The following EYS variants were observed in gnomAD, a reference collection of about 807,000 sequenced individuals.
The protein encoded by EYS is protein eyes shut homolog.
A neutral mutation model predicts 282.1 loss-of-function variants in EYS; 250 were observed. That is an observed-to-expected ratio of 0.89 (90% CI 0.80 to 0.98). The LOEUF (loss-of-function observed/expected upper bound fraction) is 0.98, where lower values mean the gene tolerates loss of function less well. Ranked by LOEUF, EYS falls within the 50% of genes least tolerant of loss-of-function variation. The pLI is 0.00. For synonymous variants in EYS, 1,355 were observed against 1,282.9 expected (o/e 1.06, Z -1.20); for missense variants, 4,016 against 3,709.0 (o/e 1.08, Z -2.15).
chr6:64,690,043 C>T (rs1770315365), intron 22 of EYS, among the ~76,000 whole-genome samples: 1 of 151,764 alleles, frequency 6.6e-6, no homozygotes, highest in Non-Finnish European at 1.5e-5. Flanking sequence ...AACAGGCAAC[C>T]TACAGAATGG....
chr6:65,303,998 AC>A, intron 11 of EYS: 1 of 994,186 alleles, frequency 1.0e-6, no homozygotes, highest in Non-Finnish European at 1.6e-6. Flanking sequence ...TGAGAGCAGC[AC>A]CAGCTCCCCG....
intron 31 of EYS, among the ~76,000 whole-genome samples, chr6:64,126,554 G>A (rs1476691665): frequency 6.6e-6 from 1 of 151,866 alleles, no homozygotes; most frequent in African/African-American, 2.4e-5. Flanking sequence ...AAAACATCAC[G>A]TTCTGCACAT....
At chr6:64,412,540 G>A (rs1419454615) in intron 28 of EYS, 1 of 152,084 alleles carries the variant, frequency 6.6e-6, no homozygotes, top group Non-Finnish European at 1.5e-5. Flanking sequence ...GAGATGCTGA[G>A]GATGTTAATA....
intron 35 of EYS, among the ~76,000 whole-genome samples, chr6:63,944,390 A>G (rs1765331784): frequency 6.6e-6 from 1 of 152,252 alleles, no homozygotes; most frequent in South Asian, 2.1e-4. Flanking sequence ...AGTGTACGAC[A>G]TGCTTTAGTC....
chr6:64,811,484 A>G (rs1764594179), intron 22 of EYS, among the ~76,000 whole-genome samples: 1 of 151,902 alleles, frequency 6.6e-6, no homozygotes, highest in Non-Finnish European at 1.5e-5. Flanking sequence ...GAATATTTAT[A>G]CAGGAGCTTG....
chr6:64,139,679 A>G (rs1212043081), intron 31 of EYS, among the ~76,000 whole-genome samples: 3 of 152,038 alleles, frequency 2.0e-5, no homozygotes, highest in Non-Finnish European at 4.4e-5. Context: ...AAGTAAATAA[A>G]TAAATGGGAG....
At chr6:64,553,547 C>CG (rs1284949765) in intron 26 of EYS, among the ~76,000 whole-genome samples, 2 of 69,592 alleles carry the variant, frequency 2.9e-5, no homozygotes, top group African/African-American at 7.4e-5. Context: ...TTTGTTTGAC[C>CG]CCCCCCCCCC....
intron 9 of EYS, among the ~76,000 whole-genome samples, chr6:65,348,169 T>C (rs1198469369): frequency 1.3e-5 from 2 of 151,820 alleles, no homozygotes; most frequent in Non-Finnish European, 2.9e-5. Context: ...ATCTTGGCTA[T>C]TGTGAACAGT....
At chr6:65,644,154 C>T (rs1358955932) in intron 1 of EYS, among the ~76,000 whole-genome samples, 1 of 151,990 alleles carries the variant, frequency 6.6e-6, no homozygotes, top group Non-Finnish European at 1.5e-5. Flanking sequence ...TGAAATCCAA[C>T]TTGAAATCAA....
intron 41 of EYS, among the ~76,000 whole-genome samples, chr6:63,736,595 T>TTA (rs2149638375): frequency 6.6e-6 from 1 of 152,336 alleles, no homozygotes; most frequent in East Asian, 1.9e-4. Context: ...CATATGAACT[T>TTA]TAAAGTAGTT....
At chr6:63,956,066 G>A (rs146386730) in intron 35 of EYS, among the ~76,000 whole-genome samples, 2,167 of 152,024 alleles carry the variant, frequency 0.014, 40 homozygotes, top group African/African-American at 0.049. Context: ...GAGAAACATT[G>A]CCCATTATCT....
At chr6:64,433,104 T>G (rs1774624285) in intron 28 of EYS, among the ~76,000 whole-genome samples, 2 of 152,022 alleles carry the variant, frequency 1.3e-5, no homozygotes, top group Non-Finnish European at 2.9e-5. Flanking sequence ...ATGAGCCAGG[T>G]TACTTTTTCA....
chr6:64,502,221 GTTT>G (rs10710004), intron 26 of EYS, among the ~76,000 whole-genome samples: 1 of 149,900 alleles, frequency 6.7e-6, no homozygotes, highest in African/African-American at 2.4e-5. Flanking sequence ...CAGCAGGCTG[GTTT>G]TTTTTTTGTT....
At chr6:64,005,792 C>T (rs1194901118) in intron 33 of EYS, among the ~76,000 whole-genome samples, 1 of 151,858 alleles carries the variant, frequency 6.6e-6, no homozygotes, top group Non-Finnish European at 1.5e-5. Flanking sequence ...TATGGCATTA[C>T]TTCTGGGCTC....
intron 35 of EYS, among the ~76,000 whole-genome samples, chr6:63,969,151 C>T (rs1354809807): frequency 6.6e-6 from 1 of 152,120 alleles, no homozygotes; most frequent in Non-Finnish European, 1.5e-5. Flanking sequence ...CTCATCCCCC[C>T]CTTAAGCTTC....
intron 31 of EYS, among the ~76,000 whole-genome samples, chr6:64,146,861 G>A (rs1774535627): frequency 6.6e-6 from 1 of 152,134 alleles, no homozygotes; most frequent in Admixed American, 6.6e-5. Flanking sequence ...CCTAAGAGAT[G>A]CAACATGGAA....
intron 1 of EYS, among the ~76,000 whole-genome samples, chr6:65,640,421 T>G (rs779619478): frequency 2.2e-4 from 8 of 37,116 alleles, no homozygotes; most frequent in Non-Finnish European, 5.6e-4. Context: ...TTAAAAAGAG[T>G]TTTTTTTTTC....
chr6:65,309,854 T>C (rs1195321938), intron 11 of EYS, among the ~76,000 whole-genome samples: 1 of 152,200 alleles, frequency 6.6e-6, no homozygotes, highest in Admixed American at 6.5e-5. Context: ...TTCTCTCCCT[T>C]TCACAGTGAC....
chr6:63,970,202 T>C (rs906251283), intron 35 of EYS, among the ~76,000 whole-genome samples: 4 of 152,178 alleles, frequency 2.6e-5, no homozygotes, highest in East Asian at 1.9e-4. Flanking sequence ...AAAGCTAAAA[T>C]TGAAGATATT....
Sources: gnomAD v4.1 joint callset for allele counts (sites outside exome capture counted in the v4.1 genomes callset) on GRCh38, gnomAD v4.1.1 for gene constraint, MANE v1.5 for transcripts, NCBI Gene and HGNC (gene_info 2026-07-23, HGNC 2026-07-21) for gene names.